Variants in TYW1 observed in about 807,000 individuals in gnomAD.
TYW1 encodes tRNA-yW synthesizing protein 1 homolog.
Under a neutral mutation model 96.2 loss-of-function variants are expected in TYW1, and 46 were observed. That is an observed-to-expected ratio of 0.48 (90% CI 0.38 to 0.61). The LOEUF (loss-of-function observed/expected upper bound fraction) is 0.61, where lower values mean the gene tolerates loss of function less well. TYW1 is among the 20% of genes least tolerant of loss of function. The pLI is 0.00. For synonymous variants in TYW1, 274 were observed against 323.0 expected (o/e 0.85, Z 1.63); for missense variants, 684 against 909.6 (o/e 0.75, Z 3.19).
At chr7:67,192,005 C>T (rs1800234777) in intron 14 of TYW1, among the ~76,000 whole-genome samples, 1 of 151,736 alleles carries the variant, frequency 6.6e-6, no homozygotes. Flanking sequence ...GAGCTATTCT[C>T]CTGCCTCAGC....
At chr7:67,178,658 G>A (rs1336178360) in intron 13 of TYW1, among the ~76,000 whole-genome samples, 1 of 152,094 alleles carries the variant, frequency 6.6e-6, no homozygotes, top group Non-Finnish European at 1.5e-5. Flanking sequence ...TAAACACAGT[G>A]TTGAGTGATA....
At chr7:67,034,953 TG>T (rs1445723552) in intron 7 of TYW1, among the ~76,000 whole-genome samples, 2 of 152,208 alleles carry the variant, frequency 1.3e-5, no homozygotes, top group African/African-American at 2.4e-5. Flanking sequence ...TGAGAGTACC[TG>T]TTCTCTACAT....
intron 13 of TYW1, among the ~76,000 whole-genome samples, chr7:67,162,769 T>C (rs1400644480): frequency 6.6e-6 from 1 of 152,188 alleles, no homozygotes; most frequent in Non-Finnish European, 1.5e-5. Flanking sequence ...GACATCCTGG[T>C]TTAGGCAATA....
intron 13 of TYW1, among the ~76,000 whole-genome samples, chr7:67,130,321 C>T (rs965799290): frequency 8.6e-5 from 13 of 151,478 alleles, no homozygotes; most frequent in African/African-American, 1.2e-4. Context: ...GCGGAGGTTG[C>T]AGTGAGCCGA....
intron 13 of TYW1, among the ~76,000 whole-genome samples, chr7:67,174,567 A>G (rs1244108533): frequency 3.3e-5 from 5 of 150,702 alleles, no homozygotes; most frequent in Non-Finnish European, 7.4e-5. Flanking sequence ...AGCTAAATGC[A>G]TATATTGAGA....
intron 15 of TYW1, among the ~76,000 whole-genome samples, chr7:67,210,747 T>C (rs1800977702): frequency 1.1e-5 from 1 of 94,454 alleles, no homozygotes; most frequent in South Asian, 3.6e-4. Context: ...TGTCATCTGT[T>C]TGTCTGTCGT....
chr7:67,108,537 G>A (rs1797307433), intron 12 of TYW1, among the ~76,000 whole-genome samples: 1 of 151,264 alleles, frequency 6.6e-6, no homozygotes, highest in Non-Finnish European at 1.5e-5. Flanking sequence ...TGCCTTTTGA[G>A]TTCAAGTGAT....
chr7:67,091,248 A>G (rs74755086), intron 11 of TYW1, among the ~76,000 whole-genome samples: 33,556 of 146,540 alleles, frequency 0.23, 4,279 homozygotes, highest in African/African-American at 0.3. Context: ...AAAAGGATGA[A>G]TTCATGTTTT....
chr7:67,132,227 C>T lies in TYW1; in HGVS notation c.1698+14609C>T, dbSNP rs552056821. 1.7e-4 allele frequency among the ~76,000 whole-genome samples: 25 copies of T among 150,756 alleles called. 1 individual carries two copies. The South Asian group carries it at 5.1e-3, about 31-fold the overall frequency. ...CTGGACTCAAGCAGTCCTCCCACTTCAGCCTCCCAAGTAGCTAGAGACAAT... is the reference window on the plus strand; with the variant it reads ...CTGGACTCAAGCAGTCCTCCCACTTTAGCCTCCCAAGTAGCTAGAGACAAT... On this transcript the variant is annotated intron_variant, in intron 13 of 15. Transcript: ENST00000359626.
intron 7 of TYW1, among the ~76,000 whole-genome samples, chr7:67,026,352 CAT>C (rs1035817058): frequency 1.3e-5 from 2 of 152,200 alleles, no homozygotes; most frequent in African/African-American, 2.4e-5. Context: ...GGATTACACA[CAT>C]GAGTTACCAC....
chr7:67,078,365 G>C (rs1005061552), intron 10 of TYW1, among the ~76,000 whole-genome samples: 1 of 152,088 alleles, frequency 6.6e-6, no homozygotes, highest in Non-Finnish European at 1.5e-5. Context: ...AAAGTGCTGG[G>C]ATTAGAGGTG....
intron 13 of TYW1, among the ~76,000 whole-genome samples, chr7:67,131,136 A>G (rs1798061001): frequency 6.6e-6 from 1 of 151,946 alleles, no homozygotes; most frequent in African/African-American, 2.4e-5. Context: ...TCTCTGAAAC[A>G]AGGCTACCAA....
At chr7:67,128,512 G>A (rs1797971591) in intron 13 of TYW1, among the ~76,000 whole-genome samples, 1 of 152,088 alleles carries the variant, frequency 6.6e-6, no homozygotes. Context: ...AGCCTGGTTT[G>A]GATCCTTGTG....
At chr7:67,108,695 G>A (rs1225308296) in intron 12 of TYW1, among the ~76,000 whole-genome samples, 1 of 151,906 alleles carries the variant, frequency 6.6e-6, no homozygotes, top group Non-Finnish European at 1.5e-5. Flanking sequence ...GCCCGCCTTG[G>A]CCTCCCAAAG....
At chr7:67,157,648 C>G (rs1403671940) in intron 13 of TYW1, among the ~76,000 whole-genome samples, 1 of 152,150 alleles carries the variant, frequency 6.6e-6, no homozygotes, top group African/African-American at 2.4e-5. Flanking sequence ...TTTGGCTGAA[C>G]GGATGCCCCT....
chr7:67,125,244 A>G (rs1442687383), intron 13 of TYW1, among the ~76,000 whole-genome samples: 1 of 152,128 alleles, frequency 6.6e-6, no homozygotes, highest in East Asian at 1.9e-4. Context: ...TTTCTGTCCT[A>G]TTTGTGAAAT....
chr7:67,182,103 A>G (rs1799860766), intron 13 of TYW1, among the ~76,000 whole-genome samples: 1 of 152,226 alleles, frequency 6.6e-6, no homozygotes. Flanking sequence ...TGCTGGGATT[A>G]CAGGCATGAG....
chr7:67,000,917 A>T (rs552006702), intron 3 of TYW1, among the ~76,000 whole-genome samples: 1 of 152,076 alleles, frequency 6.6e-6, no homozygotes. Context: ...GAGTGCAGAT[A>T]CTTTGCTTCA....
At chr7:67,046,609 C>T (rs1241026814) in intron 7 of TYW1, among the ~76,000 whole-genome samples, 1 of 152,198 alleles carries the variant, frequency 6.6e-6, no homozygotes, top group African/African-American at 2.4e-5. Context: ...TATATTGTTA[C>T]ATTCTGGGCA....
Sources: gnomAD v4.1 joint callset for allele counts (sites outside exome capture counted in the v4.1 genomes callset) on GRCh38, gnomAD v4.1.1 for gene constraint, MANE v1.5 for transcripts, NCBI Gene and HGNC (gene_info 2026-07-23, HGNC 2026-07-21) for gene names.